Variants in CAST observed in about 807,000 individuals in gnomAD.
CAST encodes the protein MIR583 host.
In CAST, 76 loss-of-function variants were observed where a neutral mutation model predicts 119.6. The ratio of observed to expected loss-of-function variants is 0.64; its 90% confidence interval spans 0.53 to 0.77. The LOEUF is 0.77. Among genes scored for constraint, CAST ranks in the 30% least tolerant of loss-of-function variants. CAST has a pLI of 0.00. For synonymous variants in CAST, 319 were observed against 331.6 expected, an observed-to-expected ratio of 0.96 and a Z score of 0.41; for missense variants, 953 against 946.5, an observed-to-expected ratio of 1.01 and a Z score of -0.09.
At chr5:96,365,092 A>T in the CAST span, among the ~76,000 whole-genome samples, 6 of 152,214 alleles carry the variant, frequency 3.9e-5, no homozygotes, top group South Asian at 2.1e-4. Context: ...CTTAGTAGTC[A>T]TTCAGGAGCA....
chr5:96,125,167 C>T, the CAST span, among the ~76,000 whole-genome samples: 1 of 152,128 alleles, frequency 6.6e-6, no homozygotes, highest in Non-Finnish European at 1.5e-5. Flanking sequence ...AAAGATTCTG[C>T]AGCCTTTGAG....
At chr5:96,591,878 T>G (rs1580837651) in intron 1 of CAST, among the ~76,000 whole-genome samples, 1 of 152,200 alleles carries the variant, frequency 6.6e-6, no homozygotes, top group Non-Finnish European at 1.5e-5. Flanking sequence ...CTAACAAGAC[T>G]GGGTGGTCAC....
the CAST span, among the ~76,000 whole-genome samples, chr5:96,326,616 G>A: frequency 4.6e-5 from 7 of 151,492 alleles, no homozygotes; most frequent in South Asian, 2.1e-4. Flanking sequence ...ACTTGTTAAC[G>A]GTATTGCCAT....
chr5:96,734,622 C>T (rs550250881), intron 9 of CAST, among the ~76,000 whole-genome samples: 85 of 152,100 alleles, frequency 5.6e-4, no homozygotes, highest in Non-Finnish European at 1.1e-3. Context: ...GGTAGCCACA[C>T]GGTAAGGGAA....
chr5:96,276,199 G>A, the CAST span, among the ~76,000 whole-genome samples: 4 of 152,124 alleles, frequency 2.6e-5, no homozygotes, highest in Non-Finnish European at 5.9e-5. Flanking sequence ...CCCTCTCCTT[G>A]TCAAGCCACC....
At chr5:95,961,827 C>T in the CAST span, 1 of 1,388,834 alleles carries the variant, frequency 7.2e-7, no homozygotes, top group Non-Finnish European at 9.5e-7. Flanking sequence ...AGGGCCATCC[C>T]GCTGCTGACG....
At chr5:96,093,071 T>C in the CAST span, among the ~76,000 whole-genome samples, 97,083 of 152,062 alleles carry the variant, frequency 0.64, 31,210 homozygotes, top group South Asian at 0.68. Context: ...GATTGATGTG[T>C]GAAGATTGAT....
chr5:96,122,110 A>G, the CAST span, among the ~76,000 whole-genome samples: 1 of 152,162 alleles, frequency 6.6e-6, no homozygotes, highest in Admixed American at 6.5e-5. Flanking sequence ...AACTACTTCT[A>G]TGATTATAGG....
intron 1 of CAST, among the ~76,000 whole-genome samples, chr5:96,572,326 G>T (rs562713209): frequency 6.6e-6 from 1 of 151,866 alleles, no homozygotes; most frequent in Non-Finnish European, 1.5e-5. Flanking sequence ...TCAGCCTCCC[G>T]AGTAGCTGGG....
chr5:96,280,392 A>G, the CAST span, among the ~76,000 whole-genome samples: 1 of 152,224 alleles, frequency 6.6e-6, no homozygotes, highest in African/African-American at 2.4e-5. Flanking sequence ...GGTAATGAGT[A>G]AGAAGAGAAC....
intron 1 of CAST, among the ~76,000 whole-genome samples, chr5:96,554,342 G>A (rs1746191906): frequency 6.6e-6 from 1 of 152,150 alleles, no homozygotes; most frequent in Non-Finnish European, 1.5e-5. Context: ...TGGGAAAACT[G>A]GCTAACCATA....
At chr5:96,603,112 A>G (rs1478395578) in intron 1 of CAST, among the ~76,000 whole-genome samples, 1 of 152,244 alleles carries the variant, frequency 6.6e-6, no homozygotes, top group African/African-American at 2.4e-5. Context: ...AATGGATCAT[A>G]TATTTATTGA....
At chr5:96,303,412 GTCA>G in the CAST span, among the ~76,000 whole-genome samples, 1 of 152,016 alleles carries the variant, frequency 6.6e-6, no homozygotes, top group African/African-American at 2.4e-5. Flanking sequence ...ATAACATCAT[GTCA>G]TCAACAAACA....
chr5:96,354,702 T>G, the CAST span, among the ~76,000 whole-genome samples: 1 of 148,942 alleles, frequency 6.7e-6, no homozygotes, highest in Non-Finnish European at 1.5e-5. Flanking sequence ...TAATATAAAT[T>G]ATGCAATGTA....
At chr5:96,711,938 G>A (rs1756248570) in intron 3 of CAST, among the ~76,000 whole-genome samples, 1 of 152,170 alleles carries the variant, frequency 6.6e-6, no homozygotes, top group South Asian at 2.1e-4. Context: ...AGTAGAGAAG[G>A]AATAAATTAG....
the CAST span, among the ~76,000 whole-genome samples, chr5:96,385,469 C>T: frequency 6.6e-6 from 1 of 152,180 alleles, no homozygotes; most frequent in African/African-American, 2.4e-5. Context: ...AACTGTACAA[C>T]CTTTGGCAAA....
chr5:96,173,833 C>T, the CAST span, among the ~76,000 whole-genome samples: 4 of 151,820 alleles, frequency 2.6e-5, no homozygotes, highest in African/African-American at 4.8e-5. Context: ...CTCCGCCTCA[C>T]GGGTTCACAC....
the CAST span, chr5:96,408,213 TG>T: frequency 6.2e-7 from 1 of 1,601,232 alleles, no homozygotes; most frequent in African/African-American, 1.3e-5. Context: ...AGAAGCTTTC[TG>T]GGCCTTACTT....
the CAST span, among the ~76,000 whole-genome samples, chr5:96,119,192 G>T: frequency 1.6e-4 from 24 of 152,228 alleles, no homozygotes; most frequent in African/African-American, 4.8e-4. Context: ...CTCTATTGAG[G>T]TCTGATCACA....
Sources: allele counts gnomAD v4.1 joint callset (sites outside exome capture counted in the v4.1 genomes callset), GRCh38; gene constraint gnomAD v4.1.1; transcripts MANE v1.5; gene names NCBI Gene and HGNC (gene_info 2026-07-23, HGNC 2026-07-21).